The following EIF2AK2 variants were observed in gnomAD, a reference collection of about 807,000 sequenced individuals.
The protein encoded by EIF2AK2 is eukaryotic translation initiation factor 2 alpha kinase 2, also known as interferon-induced, double-stranded RNA-activated protein kinase.
In EIF2AK2, 40 loss-of-function variants were observed where a neutral mutation model predicts 70.5. The observed-to-expected ratio is 0.57, with a 90% CI of 0.44 to 0.74. The LOEUF is 0.74. Ranked by LOEUF, EIF2AK2 falls within the 30% of genes least tolerant of loss-of-function variation. The probability of loss-of-function intolerance (pLI) is 0.00; values close to 1 mark genes in which losing one functional copy is unlikely to be tolerated. For missense variants in EIF2AK2, 555 were observed against 644.3 expected (o/e 0.86, Z 1.50); for synonymous variants, 198 against 220.9 (o/e 0.90, Z 0.92).
At chr2:37,135,326 T>C (rs1675089025) in intron 10 of EIF2AK2, among the ~76,000 whole-genome samples, 158 bp downstream of exon 10, 1 of 152,228 alleles carries the variant, frequency 6.6e-6, no homozygotes, top group Admixed American at 6.5e-5. Flanking sequence ...CTGGGCCCCC[T>C]CTTAATGATA....
At chr2:37,149,119 G>A in intron 1 of EIF2AK2, 96 bp from the exon 2 acceptor site, 3 of 896,586 alleles carry the variant, frequency 3.3e-6, no homozygotes, top group South Asian at 2.6e-5. Flanking sequence ...GATAGCCAGG[G>A]TCTCCTGATT....
Position 37,104,623 on chromosome 2 carries a change from T to G in EIF2AK2, c.*2650A>C, listed in dbSNP as rs532894807. On this transcript the variant is annotated 3_prime_UTR_variant, in exon 17 of 17. Coordinates refer to ENST00000233057, the MANE Select transcript of EIF2AK2 (RefSeq NM_001135651.3). ...GGCATTAGCTACTGCGTCCAGCTTT[T>G]GTCTTTTTAAATATCCAGAATACAA... 2 of 152,298 alleles carry G rather than the reference T, an allele frequency of 1.3e-5. No homozygotes were observed. Among genetic ancestry groups the G allele is most frequent in the South Asian group, 4.1e-4 (2 of 4,828 alleles). The allele number at this position is 152,298 out of a possible 1,614,324, so 9.4% of individuals were successfully genotyped here. A position where few individuals can be genotyped will look rare whatever the true frequency, so the allele number is the denominator to read the frequency against.
intron 13 of EIF2AK2, among the ~76,000 whole-genome samples, chr2:37,115,899 T>C (rs957137791): frequency 2.0e-5 from 3 of 151,942 alleles, no homozygotes; most frequent in African/African-American, 7.3e-5. Flanking sequence ...AGGTGTTTTG[T>C]TTTGTTTTGT....
chr2:37,103,913 T>G lies in EIF2AK2; in HGVS notation c.*3360A>C, dbSNP rs1407246193. 6.6e-6 allele frequency: 1 copy of G among 152,172 alleles called. No individual in the cohort carries two copies. Among genetic ancestry groups the G allele is most frequent in the African/African-American group, 2.4e-5 (1 of 41,442 alleles). 9.4% of individuals were successfully genotyped at this position (152,172 alleles called of 1,614,324 possible). A position where few individuals can be genotyped will look rare whatever the true frequency, so the allele number is the denominator to read the frequency against. On this transcript the variant is annotated 3_prime_UTR_variant, in exon 17 of 17. Transcript: ENST00000233057. Reference sequence around the variant, plus strand: ...CAACACTTTGGGAGGCCAAGGCAAGTGAATCACCTGAGGTCAGGAGTTCAA... The same window carrying G: ...CAACACTTTGGGAGGCCAAGGCAAGGGAATCACCTGAGGTCAGGAGTTCAA...
At chr2:37,117,434 G>T (rs1018826870) in intron 13 of EIF2AK2, among the ~76,000 whole-genome samples, 3 of 151,608 alleles carry the variant, frequency 2.0e-5, no homozygotes, top group African/African-American at 7.3e-5. Context: ...CTATGTGGGG[G>T]GCCGAGGTGG....
intron 1 of EIF2AK2, among the ~76,000 whole-genome samples, chr2:37,154,949 TTA>T (rs1164865957): frequency 7.1e-6 from 1 of 139,980 alleles, no homozygotes. Context: ...TTTTTTTTTT[TTA>T]ACCTTTTCTA....
intron 10 of EIF2AK2, among the ~76,000 whole-genome samples, chr2:37,127,022 C>T (rs1337479403): frequency 2.1e-5 from 2 of 93,906 alleles, no homozygotes; most frequent in Non-Finnish European, 4.4e-5. Flanking sequence ...AATCCTATCA[C>T]AAATACAAAA....
intron 6 of EIF2AK2, 87 bp downstream of exon 6, chr2:37,139,544 T>G: frequency 6.5e-7 from 1 of 1,529,906 alleles, no homozygotes. Context: ...ACTGGCTGTC[T>G]TGGCATAATG....
intron 11 of EIF2AK2, among the ~76,000 whole-genome samples, chr2:37,126,064 T>C (rs567148991): frequency 1.3e-5 from 2 of 152,312 alleles, no homozygotes; most frequent in African/African-American, 2.4e-5. Context: ...GTTCTGAAGA[T>C]AGCACCAAAA....
In EIF2AK2 at chr2:37,105,128, G is replaced by A. The variant is rs1171832201; in HGVS notation, c.*2145C>T. ...CTTTATAAAACTATTTTCTCTTACT[G>A]TATTTTCACTTTTTGCTTAACCTAA... On this transcript the variant is annotated 3_prime_UTR_variant, in exon 17 of 17. Coordinates refer to ENST00000233057, the MANE Select transcript of EIF2AK2 (RefSeq NM_001135651.3). 6.6e-6 allele frequency: 1 copy of A among 152,026 alleles called. No individual in the cohort carries two copies. The highest frequency in any genetic ancestry group is 1.5e-5 in the Non-Finnish European group (1 of 68,020). The allele number at this position is 152,026 out of a possible 1,614,324, so 9.4% of individuals were successfully genotyped here. A position where few individuals can be genotyped will look rare whatever the true frequency, so the allele number is the denominator to read the frequency against.
intron 2 of EIF2AK2, 103 bp downstream of exon 2, chr2:37,148,754 G>T: frequency 1.2e-6 from 1 of 836,190 alleles, no homozygotes; most frequent in South Asian, 1.3e-5. Flanking sequence ...GTCGTGTTGT[G>T]ACCCATTTAA....
intron 11 of EIF2AK2, among the ~76,000 whole-genome samples, chr2:37,125,418 T>C (rs531140351): frequency 5.3e-5 from 8 of 152,342 alleles, no homozygotes; most frequent in African/African-American, 1.9e-4. Flanking sequence ...GTTTAACCAA[T>C]ATAACTTGAT....
At chr2:37,146,742 G>A in intron 4 of EIF2AK2, 111 bp downstream of exon 4, 1 of 1,349,474 alleles carries the variant, frequency 7.4e-7, no homozygotes, top group East Asian at 2.3e-5. Context: ...ACTCTTGAAT[G>A]TAAGGGAACG....
rs70949732 is a variant in EIF2AK2 at position 37,120,963 on chromosome 2, CA to C, written c.1068-825del. Among the ~76,000 whole-genome samples, 250 of 118,654 alleles carry C rather than the reference CA, an allele frequency of 2.1e-3. 4 individuals are homozygous for C. The highest frequency in any genetic ancestry group is 4.4e-3 in the African/African-American group (130 of 29,804). The allele number at this position is 118,654 out of a possible 152,430, so 77.8% of individuals were successfully genotyped here. On this transcript the variant is annotated intron_variant, in intron 12 of 16. Coordinates refer to ENST00000233057, the MANE Select transcript of EIF2AK2 (RefSeq NM_001135651.3). ...TGAGCGATAGAGTAAGACTCTGTCT[CA>C]AAAAAAAAAAAAGAAGAGGCCGGGC...
rs1186758692 is a variant in EIF2AK2, at chr2:37,103,094, A to C, written c.*4179T>G. ...TCCTCTGAGTAAGAGGATACTTTTT[A>C]CTTTAATTTTGAGGCCAAGAAAATA... On this transcript the variant is annotated 3_prime_UTR_variant, in exon 17 of 17. Coordinates refer to ENST00000233057, the MANE Select transcript of EIF2AK2 (RefSeq NM_001135651.3). 4 of 151,998 alleles carry C rather than the reference A, an allele frequency of 2.6e-5. No individual in the cohort carries two copies. Among genetic ancestry groups the C allele is most frequent in the Admixed American group, 6.6e-5 (1 of 15,256 alleles). The allele number at this position is 151,998 out of a possible 1,614,324, so 9.4% of individuals were successfully genotyped here. A position where few individuals can be genotyped will look rare whatever the true frequency, so the allele number is the denominator to read the frequency against.
intron 10 of EIF2AK2, among the ~76,000 whole-genome samples, chr2:37,133,952 C>G (rs1257414639): frequency 6.6e-6 from 1 of 152,180 alleles, no homozygotes; most frequent in African/African-American, 2.4e-5. Flanking sequence ...CTCACCGATA[C>G]AACCACTCCT....
intron 14 of EIF2AK2, 185 bp from the exon 15 acceptor site, chr2:37,109,480 G>A (rs1674073136): frequency 1.9e-6 from 1 of 535,778 alleles, no homozygotes; most frequent in South Asian, 2.6e-5. Flanking sequence ...TGAATCCTCT[G>A]TGTAAATTAA....
intron 4 of EIF2AK2, among the ~76,000 whole-genome samples, chr2:37,144,052 T>A (rs1220534012): frequency 6.6e-6 from 1 of 152,204 alleles, no homozygotes; most frequent in African/African-American, 2.4e-5. Context: ...AAGATTATAA[T>A]GGAGCTAAAA....
At chr2:37,120,212 T>A (rs1674488582) in intron 12 of EIF2AK2, 73 bp from the exon 13 acceptor site, 2 of 1,036,734 alleles carry the variant, frequency 1.9e-6, no homozygotes, top group Non-Finnish European at 2.5e-6. Flanking sequence ...TATAACTTTT[T>A]AAAGTTTTTC....
Sources: allele counts gnomAD v4.1 joint callset (sites outside exome capture counted in the v4.1 genomes callset), GRCh38; gene constraint gnomAD v4.1.1; transcripts MANE v1.5; gene names NCBI Gene and HGNC (gene_info 2026-07-23, HGNC 2026-07-21).